The following NDUFAF5 variants were observed in gnomAD, a reference collection of about 807,000 sequenced individuals.
The protein encoded by NDUFAF5 is NADH:ubiquinone oxidoreductase complex assembly factor 5, also known as arginine-hydroxylase NDUFAF5, mitochondrial.
A neutral mutation model predicts 48.9 loss-of-function variants in NDUFAF5; 34 were observed. The observed-to-expected ratio is 0.70, with a 90% confidence interval of 0.53 to 0.93. The LOEUF is 0.93. NDUFAF5 is among the 40% of genes least tolerant of loss of function. The probability of loss-of-function intolerance (pLI) is 0.00; values close to 1 mark genes in which losing one functional copy is unlikely to be tolerated. For synonymous variants in NDUFAF5, 153 were observed against 150.6 expected (o/e 1.02, Z -0.12); for missense variants, 428 against 427.5 (o/e 1.00, Z -0.01).
intron 3 of NDUFAF5, among the ~76,000 whole-genome samples, chr20:13,790,000 T>A (rs994181239): frequency 6.6e-6 from 1 of 152,116 alleles, no homozygotes; most frequent in Non-Finnish European, 1.5e-5. Context: ...TGACCTGGGA[T>A]TTGAAAGAAT....
chr20:13,808,556 A>G (rs192941505), intron 7 of NDUFAF5, among the ~76,000 whole-genome samples: 15 of 152,240 alleles, frequency 9.9e-5, no homozygotes, highest in South Asian at 2.1e-4. Flanking sequence ...GGAGAGGGCA[A>G]TGGTTTGTAG....
chr20:13,795,781 T>G (rs986043641), intron 5 of NDUFAF5, among the ~76,000 whole-genome samples: 2 of 152,234 alleles, frequency 1.3e-5, no homozygotes, highest in Non-Finnish European at 2.9e-5. Flanking sequence ...ATCATGCCAC[T>G]GCACTCTAGC....
Position 13,821,103 on chromosome 20 carries a change from TAACAA to T in NDUFAF5, c.*3895_*3899del, listed in dbSNP as rs1986954433. 2 of 152,266 alleles carry T rather than the reference TAACAA, an allele frequency of 1.3e-5. No individual in the cohort carries two copies. The highest frequency in any genetic ancestry group is 6.5e-5 in the Admixed American group (1 of 15,284). The allele number at this position is 152,266 out of a possible 1,614,324, so 9.4% of individuals were successfully genotyped here. On this transcript the variant is annotated 3_prime_UTR_variant, in exon 11 of 11. Transcript: ENST00000378106. ...GGGGTGAACACTGATAAGTTACTGT[TAACAA>T]ATAAGAAAATAATGCTTTGCCATCT... is the stretch of plus-strand genomic sequence containing the variant.
rs777576855 is a variant in NDUFAF5 at position 13,785,297 on chromosome 20, C to T, written c.222+7C>T. ...TGACTACCTGAAGGAGGAGGTGAGC[C>T]CGCGGGGCGGCGGGGCGGCGGGGCG... On this transcript the variant is annotated splice_region_variant and intron_variant, in intron 1 of 10. Transcript: ENST00000378106. 1.1e-5 allele frequency: 11 copies of T among 999,816 alleles called. No individual in the cohort carries two copies. The highest frequency in any genetic ancestry group is 1.6e-5 in the South Asian group (1 of 61,130). The allele number at this position is 999,816 out of a possible 1,614,324, so 61.9% of individuals were successfully genotyped here.
chr20:13,808,821 T>C, intron 7 of NDUFAF5, 21 bp from the exon 8 acceptor site: 1 of 1,478,932 alleles, frequency 6.8e-7, no homozygotes, highest in Non-Finnish European at 9.4e-7. Context: ...CAAATGAATA[T>C]TTCTTTTTCT....
intron 8 of NDUFAF5, among the ~76,000 whole-genome samples, chr20:13,811,280 A>G (rs1006172586): frequency 5.9e-5 from 9 of 152,308 alleles, no homozygotes; most frequent in African/African-American, 1.9e-4. Flanking sequence ...CTGGAGGGAC[A>G]GGAGGGTATG....
chr20:13,811,865 AG>A (rs1318568961), intron 8 of NDUFAF5, among the ~76,000 whole-genome samples: 2 of 152,200 alleles, frequency 1.3e-5, no homozygotes, highest in Non-Finnish European at 1.5e-5. Flanking sequence ...GAGGGGTTAA[AG>A]GTATGTTCTG....
At chr20:13,809,061 C>T in intron 8 of NDUFAF5, 159 bp downstream of exon 8, 1 of 631,444 alleles carries the variant, frequency 1.6e-6, no homozygotes, top group South Asian at 1.8e-5. Flanking sequence ...AGCAGACTGT[C>T]TTCATGGAGC....
At chr20:13,791,222 G>A (rs1982227641) in intron 3 of NDUFAF5, among the ~76,000 whole-genome samples, 1 of 152,206 alleles carries the variant, frequency 6.6e-6, no homozygotes, top group Admixed American at 6.5e-5. Context: ...TGTGGAACTG[G>A]AATTGGGATA....
intron 7 of NDUFAF5, among the ~76,000 whole-genome samples, chr20:13,807,372 C>T (rs1439407774): frequency 6.6e-6 from 1 of 152,106 alleles, no homozygotes; most frequent in African/African-American, 2.4e-5. Flanking sequence ...AAACCCTGGT[C>T]CCTTTCCCCA....
intron 7 of NDUFAF5, among the ~76,000 whole-genome samples, chr20:13,806,162 AAGTAAAGCTGATTTCC>A (rs1236585437): frequency 1.4e-4 from 21 of 152,312 alleles, no homozygotes; most frequent in African/African-American, 4.8e-4. Context: ...TGAGCATTCT[AAGTAAAGCTGATTTCC>A]GTTTTAGAAC....
intron 1 of NDUFAF5, among the ~76,000 whole-genome samples, chr20:13,786,081 C>T (rs1053734637): frequency 1.3e-5 from 2 of 152,146 alleles, no homozygotes; most frequent in Non-Finnish European, 1.5e-5. Flanking sequence ...TTTCTCCCTG[C>T]CCAGGTGAGC....
chr20:13,816,579 C>G, intron 9 of NDUFAF5, 33 bp downstream of exon 9: 2 of 1,538,932 alleles, frequency 1.3e-6, no homozygotes, highest in Non-Finnish European at 1.8e-6. Context: ...CCCGCCTCAC[C>G]AAGGCACTTG....
chr20:13,812,737 A>G (rs938719339), intron 8 of NDUFAF5, among the ~76,000 whole-genome samples: 5 of 152,218 alleles, frequency 3.3e-5, no homozygotes, highest in African/African-American at 9.6e-5. Context: ...TGTAGTTACA[A>G]TTTGAATTCA....
rs1157519416 is a variant in NDUFAF5 at position 13,820,346 on chromosome 20, C to T, written c.*3136C>T. The T allele has an allele frequency of 1.8e-4, 27 of 152,050 alleles. No homozygotes were observed. The highest frequency in any genetic ancestry group is 3.4e-4 in the Non-Finnish European group (23 of 68,002). 9.4% of individuals were successfully genotyped at this position (152,050 alleles called of 1,614,324 possible). ...TATATTTTTTCAAACTCTTTTAGTA[C>T]CATTTTCATCCACTAGGTGGAAGCA... On this transcript the variant is annotated 3_prime_UTR_variant, in exon 11 of 11. Transcript: ENST00000378106.
chr20:13,813,432 A>G (rs1986107527), intron 8 of NDUFAF5, among the ~76,000 whole-genome samples: 1 of 152,240 alleles, frequency 6.6e-6, no homozygotes. Context: ...CAAAATAGAT[A>G]TAATCATTAA....
chr20:13,810,504 G>C (rs1985713925), intron 8 of NDUFAF5, among the ~76,000 whole-genome samples: 1 of 152,110 alleles, frequency 6.6e-6, no homozygotes, highest in Non-Finnish European at 1.5e-5. Context: ...ACTGGAGATA[G>C]CAGATATGTG....
intron 8 of NDUFAF5, chr20:13,816,060 A>G: frequency 3.4e-6 from 1 of 298,418 alleles, no homozygotes; most frequent in East Asian, 7.7e-5. Flanking sequence ...GGAGTGAGGC[A>G]TTGTTGCACT....
intron 8 of NDUFAF5, among the ~76,000 whole-genome samples, chr20:13,810,644 A>G (rs1253969199): frequency 1.3e-5 from 2 of 152,118 alleles, no homozygotes; most frequent in African/African-American, 2.4e-5. Context: ...AATTTATTTA[A>G]TTGCTGACTA....
Sources: gnomAD v4.1 joint callset for allele counts (sites outside exome capture counted in the v4.1 genomes callset) on GRCh38, gnomAD v4.1.1 for gene constraint, MANE v1.5 for transcripts, NCBI Gene and HGNC (gene_info 2026-07-23, HGNC 2026-07-21) for gene names.